The following FRMD5 variants were observed in gnomAD, a reference collection of about 807,000 sequenced individuals.
FRMD5 encodes the protein FERM domain-containing protein 5.
Under a neutral mutation model 69.0 loss-of-function variants are expected in FRMD5, and 20 were observed. That is an observed-to-expected ratio of 0.29 (90% CI 0.20 to 0.42). FRMD5 has a LOEUF of 0.42. Ranked by LOEUF, FRMD5 falls within the 10% of genes least tolerant of loss-of-function variation. The pLI is 1.00. For missense variants in FRMD5, 595 were observed against 708.6 expected, an observed-to-expected ratio of 0.84 and a Z score of 1.82; for synonymous variants, 271 against 260.1, an observed-to-expected ratio of 1.04 and a Z score of -0.40.
At chr15:44,154,667 T>A (rs1056956702) in intron 1 of FRMD5, among the ~76,000 whole-genome samples, 1 of 152,218 alleles carries the variant, frequency 6.6e-6, no homozygotes, top group Admixed American at 6.5e-5. Context: ...AACTATTATA[T>A]CTGCACAGTC....
At chr15:43,900,747 A>T (rs577501309) in intron 7 of FRMD5, among the ~76,000 whole-genome samples, 1 of 151,758 alleles carries the variant, frequency 6.6e-6, no homozygotes, top group Admixed American at 6.6e-5. Context: ...CCTCTTGAGT[A>T]GCTGGGATTA....
At chr15:44,008,892 G>A (rs1218860939) in intron 1 of FRMD5, among the ~76,000 whole-genome samples, 2 of 152,104 alleles carry the variant, frequency 1.3e-5, no homozygotes, top group South Asian at 4.1e-4. Context: ...CAGGTGTGGT[G>A]GCAGGCGCCT....
intron 1 of FRMD5, chr15:43,990,114 T>C: frequency 3.1e-6 from 2 of 644,136 alleles, no homozygotes; most frequent in Non-Finnish European, 3.0e-6. Context: ...GTGGGCATCG[T>C]CACCTGCAAA....
In FRMD5 at chr15:43,908,182, G is replaced by A. The variant is rs543742715; in HGVS notation, c.427+1700C>T. On this transcript the variant is annotated intron_variant, in intron 5 of 13. Coordinates refer to ENST00000417257, the MANE Select transcript of FRMD5 (RefSeq NM_032892.5). The stretch of plus-strand genomic sequence containing the variant: ...TCTCTACAAAAAAATTAAAAATTTA[G>A]TTGGGTGTGATGGTGCACACTTGTG... Among the ~76,000 whole-genome samples, 8 of 152,158 alleles carry A rather than the reference G, an allele frequency of 5.3e-5. 1 individual carries two copies. Among genetic ancestry groups the A allele is most frequent in the African/African-American group, 1.9e-4 (8 of 41,510 alleles).
At chr15:44,095,632 T>C (rs529307063) in intron 1 of FRMD5, among the ~76,000 whole-genome samples, 4 of 152,268 alleles carry the variant, frequency 2.6e-5, no homozygotes, top group South Asian at 2.1e-4. Context: ...TTTCTTGCAT[T>C]TTCTTACCTT....
intron 7 of FRMD5, among the ~76,000 whole-genome samples, chr15:43,897,623 T>C (rs1387990691): frequency 6.6e-6 from 1 of 152,030 alleles, no homozygotes; most frequent in Non-Finnish European, 1.5e-5. Flanking sequence ...AGGGACAGTG[T>C]AATTTTATTT....
At chr15:43,991,820 C>A (rs1331326393) in intron 1 of FRMD5, among the ~76,000 whole-genome samples, 1 of 152,218 alleles carries the variant, frequency 6.6e-6, no homozygotes, top group East Asian at 1.9e-4. Context: ...AAACTCGAAT[C>A]TTGGTCCAAC....
intron 1 of FRMD5, among the ~76,000 whole-genome samples, chr15:43,959,277 C>G (rs921469855): frequency 6.6e-6 from 1 of 152,160 alleles, no homozygotes; most frequent in Non-Finnish European, 1.5e-5. Flanking sequence ...TAACACTACT[C>G]AAATATTCAT....
intron 1 of FRMD5, among the ~76,000 whole-genome samples, chr15:44,107,144 T>C (rs2076731531): frequency 6.6e-6 from 1 of 152,180 alleles, no homozygotes; most frequent in African/African-American, 2.4e-5. Flanking sequence ...AAAATGTATT[T>C]TCATTCACAA....
chr15:44,022,355 A>G (rs1364998193), intron 1 of FRMD5, among the ~76,000 whole-genome samples: 2 of 151,866 alleles, frequency 1.3e-5, no homozygotes, highest in East Asian at 3.9e-4. Flanking sequence ...ACTTGAGGCC[A>G]GGAGTTTGAG....
chr15:43,960,677 C>T (rs2090184715), intron 1 of FRMD5, among the ~76,000 whole-genome samples: 1 of 152,190 alleles, frequency 6.6e-6, no homozygotes, highest in Non-Finnish European at 1.5e-5. Flanking sequence ...AGCCACCGTG[C>T]CTGGTCTAAA....
intron 1 of FRMD5, among the ~76,000 whole-genome samples, chr15:43,930,667 G>C (rs1057134863): frequency 9.2e-5 from 14 of 152,206 alleles, no homozygotes; most frequent in African/African-American, 3.4e-4. Context: ...ATTGAGAGCT[G>C]GGGTGATTTT....
intron 1 of FRMD5, among the ~76,000 whole-genome samples, chr15:44,144,225 T>C (rs947451428): frequency 7.9e-5 from 12 of 152,164 alleles, no homozygotes; most frequent in Non-Finnish European, 1.6e-4. Flanking sequence ...AAGTTGAGGA[T>C]ATCTATAGAG....
chr15:44,131,631 G>A (rs2706491), intron 1 of FRMD5, among the ~76,000 whole-genome samples: 124,683 of 152,160 alleles, frequency 0.82, 53,618 homozygotes, highest in Non-Finnish European at 0.94. Flanking sequence ...AAATTCTGAC[G>A]TATGCTCTAA....
chr15:43,883,606 G>T, intron 13 of FRMD5, 97 bp downstream of exon 13: 1 of 835,524 alleles, frequency 1.2e-6, no homozygotes, highest in Non-Finnish European at 1.9e-6. Context: ...TTCCCCAAGA[G>T]ACATGCTGCC....
intron 1 of FRMD5, among the ~76,000 whole-genome samples, chr15:44,028,189 C>A (rs923847619): frequency 6.6e-6 from 1 of 152,022 alleles, no homozygotes; most frequent in Non-Finnish European, 1.5e-5. Context: ...AAGACTTTTC[C>A]AAAATACTTT....
chr15:43,998,682 A>C (rs1890046923), intron 1 of FRMD5, among the ~76,000 whole-genome samples: 1 of 152,234 alleles, frequency 6.6e-6, no homozygotes, highest in Admixed American at 6.5e-5. Context: ...GCTTTTTCAG[A>C]TCTAATAATG....
chr15:43,998,759 G>GCA (rs1890050285), intron 1 of FRMD5, among the ~76,000 whole-genome samples: 2 of 152,222 alleles, frequency 1.3e-5, no homozygotes, highest in African/African-American at 4.8e-5. Flanking sequence ...AGATAAGCTT[G>GCA]TGAGATGATG....
intron 1 of FRMD5, among the ~76,000 whole-genome samples, chr15:44,132,846 C>T (rs1267576164): frequency 1.3e-5 from 2 of 151,444 alleles, no homozygotes; most frequent in Non-Finnish European, 3.0e-5. Flanking sequence ...CAACCTCCGT[C>T]TCCCGGGTTC....
Sources: gnomAD v4.1 joint callset for allele counts (sites outside exome capture counted in the v4.1 genomes callset) on GRCh38, gnomAD v4.1.1 for gene constraint, MANE v1.5 for transcripts, NCBI Gene and HGNC (gene_info 2026-07-23, HGNC 2026-07-21) for gene names.